Variants in CACNG7 observed in about 807,000 individuals in gnomAD.
CACNG7 encodes the protein voltage-dependent calcium channel gamma-7 subunit.
Under a neutral mutation model 26.3 loss-of-function variants are expected in CACNG7, and 9 were observed. That is an observed-to-expected ratio of 0.34 (90% CI 0.21 to 0.60). CACNG7 has a LOEUF of 0.60. CACNG7 is among the 20% of genes least tolerant of loss of function. CACNG7 has a pLI of 0.81. For missense variants in CACNG7, 297 were observed against 380.4 expected (o/e 0.78, Z 1.82); for synonymous variants, 170 against 157.0 (o/e 1.08, Z -0.62).
intron 4 of CACNG7, among the ~76,000 whole-genome samples, chr19:53,934,623 A>T (rs1304970918): frequency 6.6e-6 from 1 of 151,356 alleles, no homozygotes; most frequent in Non-Finnish European, 1.5e-5. Context: ...AAAAAAAAAA[A>T]TTAGCCAGGT....
chr19:53,924,197 G>T (rs1264242719), intron 4 of CACNG7, among the ~76,000 whole-genome samples: 1 of 141,912 alleles, frequency 7.0e-6, no homozygotes, highest in African/African-American at 2.7e-5. Flanking sequence ...CATTGGTGGA[G>T]TTGTCCCAGG....
At chr19:53,933,231 A>G (rs1336219232) in intron 4 of CACNG7, among the ~76,000 whole-genome samples, 6 of 149,766 alleles carry the variant, frequency 4.0e-5, no homozygotes, top group South Asian at 2.1e-4. Context: ...CCTGGGTTCA[A>G]GTGATTCTCC....
At chr19:53,915,551 A>G (rs944064109) in intron 4 of CACNG7, 46 bp downstream of exon 4, 3 of 1,607,558 alleles carry the variant, frequency 1.9e-6, no homozygotes, top group Non-Finnish European at 2.6e-6. Context: ...TTCCAGTTCC[A>G]GGGACCTGTG....
chr19:53,931,957 T>A (rs1316631657), intron 4 of CACNG7, among the ~76,000 whole-genome samples: 4 of 151,260 alleles, frequency 2.6e-5, no homozygotes, highest in African/African-American at 9.7e-5. Context: ...GAGATGGAGT[T>A]TCACCATGTT....
chr19:53,920,759 TCTGGTCATTGGTGGAGTTGCCCCAGG>T (rs1599974721), intron 4 of CACNG7, among the ~76,000 whole-genome samples: 3 of 70,804 alleles, frequency 4.2e-5, no homozygotes, highest in East Asian at 3.9e-4. Context: ...TTGCCCCAGG[TCTGGTCATTGGTGGAGTTGCCCCAGG>T]CTGGTCATTG....
At position 53,930,074 on chromosome 19, in the gene CACNG7, C is replaced by CAAA. The variant is rs35004784; in HGVS notation, c.425-11379_425-11377dup. On this transcript the variant is annotated intron_variant, in intron 4 of 5. Transcript: ENST00000391767. ...TAATGTTAGATGGTGCTACATGCTACAAAAAAAAAAAAAAAAAAAGCAGGT... is the reference window on the plus strand; with the variant it reads ...TAATGTTAGATGGTGCTACATGCTACAAAAAAAAAAAAAAAAAAAAAAGCAGGT... 7.0e-3 allele frequency among the ~76,000 whole-genome samples: 644 copies of CAAA among 92,506 alleles called. 17 individuals carry two copies. The highest frequency in any genetic ancestry group is 0.016 in the East Asian group (53 of 3,314). The allele number at this position is 92,506 out of a possible 152,430, so 60.7% of individuals were successfully genotyped here.
chr19:53,933,297 A>ATT (rs1009491295), intron 4 of CACNG7, among the ~76,000 whole-genome samples: 6 of 126,058 alleles, frequency 4.8e-5, no homozygotes, highest in Non-Finnish European at 6.7e-5. Context: ...CGCCTGGCCA[A>ATT]TTTTTTTTTT....
chr19:53,915,570 T>C, intron 4 of CACNG7, 65 bp downstream of exon 4: 1 of 1,579,460 alleles, frequency 6.3e-7, no homozygotes, highest in Non-Finnish European at 8.7e-7. Flanking sequence ...TGGTTCCTTT[T>C]CCACTTAGCC....
At position 53,939,488 on chromosome 19, in the gene CACNG7, T is replaced by C. The variant is rs941789361; in HGVS notation, c.425-1982T>C. Among the ~76,000 whole-genome samples the C allele has an allele frequency of 6.6e-5, 10 of 152,206 alleles. No individual in the cohort carries two copies. Among genetic ancestry groups the C allele is most frequent in the African/African-American group, 2.4e-4 (10 of 41,450 alleles). On this transcript the variant is annotated intron_variant, in intron 4 of 5. Coordinates refer to ENST00000391767, the MANE Select transcript of CACNG7 (RefSeq NM_031896.5). This position sits in a 1 kb window ranked among gnomAD's most constrained non-coding sequence, Gnocchi z 4.2. The stretch of plus-strand genomic sequence containing the variant: ...ACCACTAATCTACTTTCTGTCTCTG[T>C]GGATTTGCCTATTCTGGACATTGCA...
chr19:53,925,189 G>C (rs2069016764), intron 4 of CACNG7, among the ~76,000 whole-genome samples: 1 of 136,508 alleles, frequency 7.3e-6, no homozygotes, highest in Non-Finnish European at 1.5e-5. Context: ...AGTTGCCCCA[G>C]GTCTGGTCAT....
Position 53,909,334 on chromosome 19 carries a change from C to A in CACNG7, c.-213C>A, listed in dbSNP as rs893990522. The A allele has an allele frequency of 6.8e-6, 1 of 147,684 alleles. No individual in the cohort carries two copies. Among genetic ancestry groups the A allele is most frequent in the Admixed American group, 6.7e-5 (1 of 14,936 alleles). The allele number at this position is 147,684 out of a possible 1,614,324, so 9.1% of individuals were successfully genotyped here. A position where few individuals can be genotyped will look rare whatever the true frequency, so the allele number is the denominator to read the frequency against. ...CCCGGCTCCGTCCGCCGAGTGAGGC[C>A]GCGGCCGCGGGGGGTGGGGGGTGGG... On this transcript the variant is annotated 5_prime_UTR_variant, in exon 1 of 6. Transcript: ENST00000391767. The surrounding 1 kb of genome is among the most constrained non-coding windows in gnomAD (Gnocchi z 5.1).
At chr19:53,932,124 G>A (rs892488413) in intron 4 of CACNG7, among the ~76,000 whole-genome samples, 2 of 151,374 alleles carry the variant, frequency 1.3e-5, no homozygotes, top group African/African-American at 2.4e-5. Flanking sequence ...ACAGTGACTC[G>A]AGCCTGTAGT....
At chr19:53,933,118 C>T (rs2069084162) in intron 4 of CACNG7, among the ~76,000 whole-genome samples, 1 of 151,608 alleles carries the variant, frequency 6.6e-6, no homozygotes, top group African/African-American at 2.4e-5. Context: ...CCAGCCTTTT[C>T]TTTTTTTGAG....
chr19:53,913,586 C>A (rs774805688), intron 2 of CACNG7, among the ~76,000 whole-genome samples: 9 of 151,776 alleles, frequency 5.9e-5, no homozygotes, highest in Non-Finnish European at 1.2e-4. Flanking sequence ...CACACCACTG[C>A]CACTGCGCTC....
rs781304642 is a variant in CACNG7, at chr19:53,914,511, G to A, written c.208G>A (p.Gly70Ser). 3.1e-6 allele frequency: 5 copies of A among 1,614,072 alleles called. No homozygotes were observed. The East Asian group carries it at 1.1e-4, about 36-fold the overall frequency. ...TCTCTTCCCCCCAGGTCGGGAGAAAGGTCGCTGTGTGGCCTCAGAATATTT... is the reference window on the plus strand; with the variant it reads ...TCTCTTCCCCCCAGGTCGGGAGAAAAGTCGCTGTGTGGCCTCAGAATATTT... Reference protein sequence around the residue: ...RVCFFAGREKGRCVASEYFLE... With the variant: ...RVCFFAGREKSRCVASEYFLE... The change falls in exon 3 of 6, where the codon GGT becomes AGT. Residue 70 changes from glycine to serine, a missense_variant. Coordinates refer to ENST00000391767, the MANE Select transcript of CACNG7 (RefSeq NM_031896.5).
chr19:53,922,182 C>T (rs1231224674), intron 4 of CACNG7, among the ~76,000 whole-genome samples: 1 of 103,892 alleles, frequency 9.6e-6, no homozygotes, highest in Non-Finnish European at 1.9e-5. Context: ...TTGTCCCAGG[C>T]TGGTCATTGG....
At position 53,941,867 on chromosome 19, in the gene CACNG7, T is replaced by C. The variant is rs563306927; in HGVS notation, c.571-169T>C. ...TGAGGGAGGGGCCAACCTGAGGGCT[T>C]GGACTCCTGAGGTCCCGGGGAAAGA... On this transcript the variant is annotated intron_variant, in intron 5 of 5. Transcript: ENST00000391767. Among the ~76,000 whole-genome samples, 4 of 151,830 alleles carry C rather than the reference T, an allele frequency of 2.6e-5. No individual in the cohort carries two copies. In the South Asian group the frequency reaches 8.3e-4, roughly 32 times the overall value.
chr19:53,938,814 G>A (rs1262559721), intron 4 of CACNG7, among the ~76,000 whole-genome samples: 1 of 151,976 alleles, frequency 6.6e-6, no homozygotes, highest in African/African-American at 2.4e-5. Flanking sequence ...CGGGCGTGGT[G>A]GTGTGCACCT....
chr19:53,935,677 G>A (rs1239243079), intron 4 of CACNG7, among the ~76,000 whole-genome samples: 1 of 61,344 alleles, frequency 1.6e-5, no homozygotes, highest in Non-Finnish European at 2.9e-5. Flanking sequence ...TTTTGCTCTT[G>A]TACCCAGGCT....
Sources: allele counts gnomAD v4.1 joint callset (sites outside exome capture counted in the v4.1 genomes callset), GRCh38; gene constraint gnomAD v4.1.1; non-coding constraint Gnocchi (gnomAD v3.1); transcripts MANE v1.5; gene names NCBI Gene and HGNC (gene_info 2026-07-23, HGNC 2026-07-21).